Variants in FAM107B observed in about 807,000 individuals in gnomAD.
FAM107B encodes the protein protein FAM107B.
A neutral mutation model predicts 31.5 loss-of-function variants in FAM107B; 21 were observed. That is an observed-to-expected ratio of 0.67 (90% CI 0.47 to 0.96). The LOEUF is 0.96. FAM107B is among the 40% of genes least tolerant of loss of function. FAM107B has a pLI of 0.00. For missense variants in FAM107B, 452 were observed against 377.1 expected, an observed-to-expected ratio of 1.20 and a Z score of -1.64; for synonymous variants, 157 against 141.5, an observed-to-expected ratio of 1.11 and a Z score of -0.78.
At chr10:14,641,906 A>T (rs1588677486) in intron 2 of FAM107B, among the ~76,000 whole-genome samples, 1 of 152,222 alleles carries the variant, frequency 6.6e-6, no homozygotes, top group Admixed American at 6.5e-5. Flanking sequence ...AACTTGTTCC[A>T]GCATCAACTG....
chr10:14,746,494 G>A (rs935860168), intron 1 of FAM107B, among the ~76,000 whole-genome samples: 2 of 152,126 alleles, frequency 1.3e-5, no homozygotes, highest in Non-Finnish European at 2.9e-5. Flanking sequence ...GCCTGGTGGT[G>A]ATGTATTTCC....
intron 1 of FAM107B, among the ~76,000 whole-genome samples, chr10:14,683,093 T>C (rs546399646): frequency 1.2e-4 from 18 of 152,288 alleles, no homozygotes; most frequent in African/African-American, 4.3e-4. Flanking sequence ...GTGCAATGTG[T>C]ACTTTTAAGT....
intron 1 of FAM107B, among the ~76,000 whole-genome samples, chr10:14,673,246 C>G (rs1854601816): frequency 6.6e-6 from 1 of 152,166 alleles, no homozygotes; most frequent in Admixed American, 6.6e-5. Context: ...TTCTATCTGG[C>G]TGTAATTTTG....
chr10:14,710,283 C>A (rs555476774), intron 1 of FAM107B, among the ~76,000 whole-genome samples: 1 of 151,954 alleles, frequency 6.6e-6, no homozygotes, highest in Non-Finnish European at 1.5e-5. Context: ...TCCATCTCTA[C>A]AAAAAATGAA....
intron 2 of FAM107B, among the ~76,000 whole-genome samples, chr10:14,628,112 G>GTTTTTATTTTTTTTTTTTTTTTTTTTTT (rs1853214335): frequency 1.1e-5 from 1 of 92,676 alleles, no homozygotes; most frequent in Non-Finnish European, 2.1e-5. Context: ...TGTTTTGCTG[G>GTTTTTATTTTTTTTTTTTTTTTTTTTTT]TTTTTTTTTT....
intron 2 of FAM107B, chr10:14,572,251 T>C (rs1483229396): frequency 1.0e-6 from 1 of 985,368 alleles, no homozygotes; most frequent in Non-Finnish European, 1.2e-6. Flanking sequence ...GAGAACGTGC[T>C]GGCAGCACTG....
chr10:14,636,522 C>T (rs1036946968), intron 2 of FAM107B, among the ~76,000 whole-genome samples: 2 of 152,120 alleles, frequency 1.3e-5, no homozygotes, highest in African/African-American at 4.8e-5. Context: ...AAGCACTGAA[C>T]ACTACATCTC....
intron 2 of FAM107B, among the ~76,000 whole-genome samples, chr10:14,653,174 G>A (rs1303971192): frequency 6.6e-6 from 1 of 152,178 alleles, no homozygotes; most frequent in Non-Finnish European, 1.5e-5. Context: ...TACAATTAAG[G>A]CCAAATACTA....
intron 1 of FAM107B, among the ~76,000 whole-genome samples, chr10:14,676,297 G>T (rs1251010380): frequency 6.6e-6 from 1 of 152,180 alleles, no homozygotes; most frequent in South Asian, 2.1e-4. Context: ...AGTACCAAGA[G>T]TCTTCCATAC....
At chr10:14,526,207 T>C (rs1024688389) in intron 3 of FAM107B, among the ~76,000 whole-genome samples, 5 of 152,198 alleles carry the variant, frequency 3.3e-5, no homozygotes, top group Admixed American at 3.3e-4. Flanking sequence ...AGAGTCTCGC[T>C]CTATTGCCCA....
intron 2 of FAM107B, among the ~76,000 whole-genome samples, chr10:14,645,777 T>C (rs1475658912): frequency 1.3e-5 from 2 of 152,212 alleles, no homozygotes; most frequent in Non-Finnish European, 2.9e-5. Context: ...CCAGATAAAT[T>C]CTCTCCCTGA....
Position 14,581,781 on chromosome 10 carries a change from C to T in FAM107B, c.470-51266G>A, listed in dbSNP as rs1423615844. ...AAGTGAGCGTGGTGGTGCACACCCA[C>T]GGTCCCAGCTACTCGGGAGGCTGGG... On this transcript the variant is annotated intron_variant, in intron 2 of 4. Coordinates refer to ENST00000181796, the MANE Select transcript of FAM107B (RefSeq NM_031453.4). Among the ~76,000 whole-genome samples, 4 of 152,096 alleles carry T rather than the reference C, an allele frequency of 2.6e-5. 1 individual carries two copies. Among genetic ancestry groups the T allele is most frequent in the South Asian group, 4.1e-4 (2 of 4,824 alleles).
At chr10:14,619,902 G>T (rs1012215620) in intron 2 of FAM107B, among the ~76,000 whole-genome samples, 21 of 150,604 alleles carry the variant, frequency 1.4e-4, no homozygotes, top group Non-Finnish European at 2.8e-4. Context: ...GTATACAGAT[G>T]TTCCATTGTT....
intron 1 of FAM107B, among the ~76,000 whole-genome samples, chr10:14,690,122 C>T (rs1344011369): frequency 1.3e-5 from 2 of 152,112 alleles, no homozygotes; most frequent in African/African-American, 2.4e-5. Context: ...CTCCTCCTGC[C>T]TGTTGATTGA....
At chr10:14,667,120 G>A (rs1428157698) in intron 2 of FAM107B, among the ~76,000 whole-genome samples, 1 of 152,072 alleles carries the variant, frequency 6.6e-6, no homozygotes, top group African/African-American at 2.4e-5. Flanking sequence ...TATCATTACA[G>A]ATCACAGTCA....
chr10:14,696,747 T>C (rs1203569942), intron 1 of FAM107B, among the ~76,000 whole-genome samples: 1 of 152,166 alleles, frequency 6.6e-6, no homozygotes, highest in East Asian at 1.9e-4. Flanking sequence ...AAGGTGTCTA[T>C]CTCAAACTCA....
chr10:14,693,944 T>C (rs1855205629), intron 1 of FAM107B, among the ~76,000 whole-genome samples: 1 of 152,258 alleles, frequency 6.6e-6, no homozygotes, highest in Admixed American at 6.5e-5. Flanking sequence ...TTTTTTTAGA[T>C]TCCACATGAA....
At chr10:14,773,316 G>T (rs2039013) in intron 1 of FAM107B, among the ~76,000 whole-genome samples, 23,320 of 152,142 alleles carry the variant, frequency 0.15, 5,468 homozygotes, top group African/African-American at 0.51. Context: ...TAGATTCTGT[G>T]AAGCAAGCCA....
At chr10:14,759,992 G>A (rs1190305350) in intron 1 of FAM107B, among the ~76,000 whole-genome samples, 2 of 152,108 alleles carry the variant, frequency 1.3e-5, no homozygotes, top group Admixed American at 6.5e-5. Context: ...GATTACAGGC[G>A]TGAGCCACCG....
Sources: gnomAD v4.1 joint callset for allele counts (sites outside exome capture counted in the v4.1 genomes callset) on GRCh38, gnomAD v4.1.1 for gene constraint, MANE v1.5 for transcripts, NCBI Gene and HGNC (gene_info 2026-07-23, HGNC 2026-07-21) for gene names.